STAG1: variants seen among roughly 807,000 people sequenced by gnomAD.
The protein encoded by STAG1 is STAG1 cohesin complex component.
In STAG1, 26 loss-of-function variants were observed where a neutral mutation model predicts 170.9. The ratio of observed to expected loss-of-function variants is 0.15; its 90% confidence interval spans 0.11 to 0.21. The LOEUF (loss-of-function observed/expected upper bound fraction) is 0.21, where lower values mean the gene tolerates loss of function less well. STAG1 is among the 10% of genes least tolerant of loss of function. The pLI is 1.00. For missense variants in STAG1, 964 were observed against 1,509.5 expected (o/e 0.64, Z 5.99); for synonymous variants, 514 against 497.7 (o/e 1.03, Z -0.44).
At chr3:136,509,790 C>T (rs986707615) in intron 7 of STAG1, among the ~76,000 whole-genome samples, 1 of 152,204 alleles carries the variant, frequency 6.6e-6, no homozygotes, top group Non-Finnish European at 1.5e-5. Flanking sequence ...CAACAATTTG[C>T]ATTTCTGTCT....
chr3:136,401,784 C>G (rs548773021), intron 21 of STAG1, among the ~76,000 whole-genome samples: 2 of 152,062 alleles, frequency 1.3e-5, no homozygotes, highest in African/African-American at 4.8e-5. Context: ...TTTTATTTTA[C>G]TTTAATTTTT....
intron 4 of STAG1, among the ~76,000 whole-genome samples, chr3:136,572,625 A>C (rs1185747602): frequency 6.9e-6 from 1 of 144,950 alleles, no homozygotes; most frequent in African/African-American, 2.6e-5. Context: ...AAAAAAAAGT[A>C]AGCAAGTAAG....
intron 3 of STAG1, among the ~76,000 whole-genome samples, chr3:136,620,182 A>G (rs553051074): frequency 4.2e-4 from 64 of 152,280 alleles, no homozygotes; most frequent in South Asian, 8.3e-4. Flanking sequence ...TGAAAACCAA[A>G]GATACAAGAA....
At chr3:136,645,148 T>G (rs368462719) in intron 1 of STAG1, among the ~76,000 whole-genome samples, 2 of 152,230 alleles carry the variant, frequency 1.3e-5, no homozygotes, top group Non-Finnish European at 2.9e-5. Context: ...TTTTGCTTTT[T>G]AAGTCCCAAA....
At chr3:136,668,406 TAATA>T (rs893054992) in intron 1 of STAG1, among the ~76,000 whole-genome samples, 4 of 146,238 alleles carry the variant, frequency 2.7e-5, no homozygotes, top group East Asian at 3.9e-4. Flanking sequence ...ATATTATGTA[TAATA>T]TATATAAAAT....
chr3:136,736,426 G>C, intron 1 of STAG1: 2 of 1,121,218 alleles, frequency 1.8e-6, no homozygotes, highest in Non-Finnish European at 2.7e-6. Context: ...TGGGAGGAAA[G>C]AATGAGTCCT....
At chr3:136,492,800 T>C (rs972273614) in intron 9 of STAG1, among the ~76,000 whole-genome samples, 38 of 152,210 alleles carry the variant, frequency 2.5e-4, no homozygotes, top group Non-Finnish European at 2.5e-4. Flanking sequence ...GAAAGTAAAT[T>C]AGAAGACAGT....
At chr3:136,414,654 A>G (rs1049708799) in intron 21 of STAG1, among the ~76,000 whole-genome samples, 2 of 152,200 alleles carry the variant, frequency 1.3e-5, no homozygotes, top group African/African-American at 4.8e-5. Context: ...GGTATCTAGA[A>G]TGGTGAATCC....
chr3:136,560,455 C>CTA (rs1200994027), intron 5 of STAG1, among the ~76,000 whole-genome samples: 1 of 152,152 alleles, frequency 6.6e-6, no homozygotes, highest in Non-Finnish European at 1.5e-5. Flanking sequence ...TGAATACATG[C>CTA]TATAATTCTG....
At chr3:136,509,977 A>AAGGG (rs772969706) in intron 7 of STAG1, among the ~76,000 whole-genome samples, 16 of 152,210 alleles carry the variant, frequency 1.1e-4, no homozygotes, top group Admixed American at 5.9e-4. Flanking sequence ...TTTTTTTTAA[A>AAGGG]AGGGATCTTA....
Position 136,498,233 on chromosome 3 carries a change from T to TATATATATACAC in STAG1, c.902+1989_902+1990insGTGTATATATAT. Among the ~76,000 whole-genome samples the TATATATATACAC allele has an allele frequency of 3.8e-4, 22 of 57,488 alleles. 3 individuals are homozygous for TATATATATACAC. The highest frequency in any genetic ancestry group is 1.1e-3 in the Admixed American group (5 of 4,570). 37.7% of individuals were successfully genotyped at this position (57,488 alleles called of 152,430 possible). ...AATTATATATATATATATATATATA[T>TATATATATACAC]ACACATACATATACATACACACACA... On this transcript the variant is annotated intron_variant, in intron 9 of 33. Transcript: ENST00000383202.
chr3:136,360,205 T>C lies in STAG1; in HGVS notation c.2788-909A>G, dbSNP rs114961333. Among the ~76,000 whole-genome samples the C allele has an allele frequency of 6.5e-3, 996 of 152,342 alleles. 10 individuals carry two copies. Among genetic ancestry groups the C allele is most frequent in the African/African-American group, 0.023 (967 of 41,578 alleles). Reference sequence around the variant, plus strand: ...ATCTGTAGACATCTACCTTTCCTCCTGTTATGAGGGGTGAACTGTCCAGAC... The same window carrying C: ...ATCTGTAGACATCTACCTTTCCTCCCGTTATGAGGGGTGAACTGTCCAGAC... On this transcript the variant is annotated intron_variant, in intron 26 of 33. Transcript: ENST00000383202.
At chr3:136,479,190 T>A (rs966004135) in intron 9 of STAG1, among the ~76,000 whole-genome samples, 1 of 146,776 alleles carries the variant, frequency 6.8e-6, no homozygotes, top group Non-Finnish European at 1.5e-5. Flanking sequence ...ACGTGTCATC[T>A]AGCATTAGGT....
intron 1 of STAG1, among the ~76,000 whole-genome samples, chr3:136,640,678 G>GTTT (rs767145786): frequency 8.0e-6 from 1 of 125,018 alleles, no homozygotes. Flanking sequence ...CTGTTTTGTT[G>GTTT]TTTTTTTTTT....
At chr3:136,659,672 G>C (rs1941511110) in intron 1 of STAG1, among the ~76,000 whole-genome samples, 1 of 152,184 alleles carries the variant, frequency 6.6e-6, no homozygotes, top group Non-Finnish European at 1.5e-5. Flanking sequence ...ATCATGGTTT[G>C]TAAATTACTA....
At chr3:136,423,896 C>T (rs1001164919) in intron 16 of STAG1, among the ~76,000 whole-genome samples, 2 of 151,224 alleles carry the variant, frequency 1.3e-5, no homozygotes, top group African/African-American at 2.4e-5. Context: ...CAGAGTCTTG[C>T]TCTGTCACCC....
chr3:136,627,741 T>C (rs1279435296), intron 2 of STAG1, among the ~76,000 whole-genome samples: 1 of 152,210 alleles, frequency 6.6e-6, no homozygotes, highest in East Asian at 1.9e-4. Flanking sequence ...AATGTTCACA[T>C]TTATAACACT....
At chr3:136,448,764 C>G (rs1303675557) in intron 14 of STAG1, among the ~76,000 whole-genome samples, 1 of 152,134 alleles carries the variant, frequency 6.6e-6, no homozygotes, top group Non-Finnish European at 1.5e-5. Context: ...CATGGCGAAA[C>G]TCCATCTCTA....
intron 6 of STAG1, among the ~76,000 whole-genome samples, chr3:136,535,083 TTTGC>T (rs1935554667): frequency 2.0e-5 from 3 of 152,192 alleles, no homozygotes; most frequent in African/African-American, 7.2e-5. Flanking sequence ...ATTAAAGTCA[TTTGC>T]AACAGCATGA....
Sources: gnomAD v4.1 joint callset for allele counts (sites outside exome capture counted in the v4.1 genomes callset) on GRCh38, gnomAD v4.1.1 for gene constraint, MANE v1.5 for transcripts, NCBI Gene and HGNC (gene_info 2026-07-23, HGNC 2026-07-21) for gene names.